TENM3: variants seen among roughly 807,000 people sequenced by gnomAD.
TENM3 encodes teneurin-3.
Under a neutral mutation model 255.1 loss-of-function variants are expected in TENM3, and 63 were observed. The observed-to-expected ratio is 0.25, with a 90% CI of 0.20 to 0.30. The LOEUF is 0.30. Ranked by LOEUF, TENM3 falls within the 10% of genes least tolerant of loss-of-function variation. The pLI, the probability that TENM3 is intolerant of heterozygous loss-of-function variation, is 1.00. For synonymous variants in TENM3, 1,306 were observed against 1,322.3 expected (o/e 0.99, Z 0.27); for missense variants, 2,929 against 3,461.1 (o/e 0.85, Z 3.86).
At chr4:182,598,563 T>C (rs1332819441) in intron 3 of TENM3, among the ~76,000 whole-genome samples, 1 of 152,228 alleles carries the variant, frequency 6.6e-6, no homozygotes, top group Non-Finnish European at 1.5e-5. Flanking sequence ...ATTCAACATA[T>C]TGAAACATGA....
chr4:182,751,935 A>C lies in TENM3; in HGVS notation c.3765A>C (p.Glu1255Asp), dbSNP rs771106139. ...TGAKDLTKNA[E>D]VVAGTGEQCL... ...CAAAAGACTTGACTAAAAATGCAGA[A>C]GTCGTCGCAGGGACAGGGGAGCAAT... The change falls in exon 20 of 28, where the codon GAA (glutamate) becomes GAC (aspartate). Residue 1255 changes from glutamate (E) to aspartate (D), a missense_variant. Around this residue, in one of 6 missense-constraint regions of TENM3, gnomAD observed 1,608 missense variants for 1,884.4 expected, o/e 0.85. Transcript: ENST00000511685. 3 of 1,613,842 alleles carry C rather than the reference A, an allele frequency of 1.9e-6. No homozygotes were observed. Among genetic ancestry groups the C allele is most frequent in the East Asian group, 4.5e-5 (2 of 44,878 alleles).
At chr4:182,383,509 C>A (rs7684694) in intron 3 of TENM3, among the ~76,000 whole-genome samples, 32,744 of 151,836 alleles carry the variant, frequency 0.22, 3,714 homozygotes, top group East Asian at 0.34. Context: ...GGTACAGGTG[C>A]AGGTTTGTTA....
chr4:181,903,904 C>G, the TENM3 span, among the ~76,000 whole-genome samples: 2 of 152,052 alleles, frequency 1.3e-5, no homozygotes, highest in Non-Finnish European at 2.9e-5. Flanking sequence ...GCACTCGAGT[C>G]TTGGATGAGT....
At chr4:181,933,929 T>A in the TENM3 span, among the ~76,000 whole-genome samples, 1 of 152,140 alleles carries the variant, frequency 6.6e-6, no homozygotes, top group Admixed American at 6.6e-5. Context: ...TGCATTTCCT[T>A]CTCTTCCTGG....
At chr4:182,353,625 A>G (rs1467104596) in intron 3 of TENM3, among the ~76,000 whole-genome samples, 4 of 152,234 alleles carry the variant, frequency 2.6e-5, no homozygotes, top group African/African-American at 9.6e-5. Flanking sequence ...TAAGGATGAA[A>G]TAGATTCACT....
intron 12 of TENM3, among the ~76,000 whole-genome samples, chr4:182,704,642 C>A (rs1407006818): frequency 6.6e-6 from 1 of 152,024 alleles, no homozygotes; most frequent in Non-Finnish European, 1.5e-5. Context: ...TGGGTAGGTG[C>A]ATGTAAGAGG....
intron 4 of TENM3, among the ~76,000 whole-genome samples, chr4:182,609,423 A>C (rs1467802458): frequency 6.6e-6 from 1 of 152,188 alleles, no homozygotes; most frequent in Non-Finnish European, 1.5e-5. Context: ...AACCTGAGGT[A>C]AAGTCTGTTT....
chr4:182,254,626 TG>T (rs2150131184), intron 1 of TENM3, among the ~76,000 whole-genome samples: 1 of 152,324 alleles, frequency 6.6e-6, no homozygotes, highest in East Asian at 1.9e-4. Context: ...GTAATCCTTT[TG>T]AAATGCTAAT....
chr4:181,592,462 G>T, the TENM3 span, among the ~76,000 whole-genome samples: 4 of 151,524 alleles, frequency 2.6e-5, no homozygotes, highest in Admixed American at 6.6e-5. Context: ...ACAGAGGACC[G>T]GTCGCGAAGC....
chr4:181,914,671 A>G, the TENM3 span, among the ~76,000 whole-genome samples: 1 of 152,210 alleles, frequency 6.6e-6, no homozygotes, highest in Non-Finnish European at 1.5e-5. Context: ...AACAGAAGGA[A>G]TAAGTCAAGG....
chr4:181,668,235 G>A, the TENM3 span, among the ~76,000 whole-genome samples: 20 of 152,240 alleles, frequency 1.3e-4, 1 homozygote, highest in South Asian at 4.1e-4. Context: ...TTGTCTGTCT[G>A]GCTTTCATGT....
chr4:182,180,659 A>G (rs1273184977), intron 1 of TENM3, among the ~76,000 whole-genome samples: 1 of 147,400 alleles, frequency 6.8e-6, no homozygotes, highest in Non-Finnish European at 1.5e-5. Context: ...TTCTTTTTGT[A>G]GAGACAGGGT....
At chr4:182,199,830 G>A (rs1047315030) in intron 1 of TENM3, among the ~76,000 whole-genome samples, 2 of 144,610 alleles carry the variant, frequency 1.4e-5, no homozygotes, top group Admixed American at 7.3e-5. Context: ...GGACTCATAT[G>A]ATTTCTCCCA....
chr4:182,786,387 G>A (rs934253449), intron 24 of TENM3, among the ~76,000 whole-genome samples: 5 of 151,838 alleles, frequency 3.3e-5, no homozygotes, highest in Admixed American at 6.6e-5. Flanking sequence ...TGAGACCCCC[G>A]TCTCTACTAA....
rs1283663400 is a variant in TENM3, at chr4:182,800,954, C to T, written c.*603C>T. ...GGGGAAAAAACTGGCAACTAGAATC[C>T]TTGTCACTGATAAGCAAAGGAAATC... On this transcript the variant is annotated 3_prime_UTR_variant, in exon 28 of 28. Transcript: ENST00000511685. 6.6e-6 allele frequency: 1 copy of T among 152,642 alleles called. No individual in the cohort carries two copies. Among genetic ancestry groups the T allele is most frequent in the Non-Finnish European group, 1.5e-5 (1 of 68,048 alleles). 9.5% of individuals were successfully genotyped at this position (152,642 alleles called of 1,614,324 possible). A position where few individuals can be genotyped will look rare whatever the true frequency, so the allele number is the denominator to read the frequency against.
intron 1 of TENM3, among the ~76,000 whole-genome samples, chr4:182,207,747 C>T (rs1046618668): frequency 6.6e-6 from 1 of 152,142 alleles, no homozygotes; most frequent in East Asian, 1.9e-4. Flanking sequence ...AGTGCATTAA[C>T]TTTAGAACTC....
chr4:182,217,334 C>T (rs1447611919), intron 1 of TENM3, among the ~76,000 whole-genome samples: 1 of 151,840 alleles, frequency 6.6e-6, no homozygotes, highest in South Asian at 2.1e-4. Context: ...ATTTCACCAT[C>T]GTTTCTATTC....
intron 3 of TENM3, among the ~76,000 whole-genome samples, chr4:182,437,368 G>T (rs1772124517): frequency 6.6e-6 from 1 of 152,138 alleles, no homozygotes; most frequent in African/African-American, 2.4e-5. Context: ...AGCTACTGAG[G>T]CCAGCCATCG....
intron 3 of TENM3, among the ~76,000 whole-genome samples, chr4:182,486,877 T>TG (rs1174247067): frequency 1.3e-5 from 2 of 152,318 alleles, no homozygotes; most frequent in East Asian, 1.9e-4. Context: ...TCTAGTCCCT[T>TG]GGGGGTCTTC....
Sources: allele counts gnomAD v4.1 joint callset (sites outside exome capture counted in the v4.1 genomes callset), GRCh38; gene constraint gnomAD v4.1.1; regional missense constraint gnomAD v4.1.1; transcripts MANE v1.5; gene names NCBI Gene and HGNC (gene_info 2026-07-23, HGNC 2026-07-21).